The following PCDHGB6 variants were observed in gnomAD, a reference collection of about 807,000 sequenced individuals.
PCDHGB6 encodes protocadherin gamma subfamily B, 6, also known as protocadherin gamma-B6.
In PCDHGB6, 51 loss-of-function variants were observed where a neutral mutation model predicts 59.1. The ratio of observed to expected loss-of-function variants is 0.86; its 90% CI spans 0.69 to 1.09. The LOEUF is 1.09. Ranked by LOEUF, PCDHGB6 falls within the 50% of genes least tolerant of loss-of-function variation. The pLI is 0.00. For missense variants in PCDHGB6, 1,148 were observed against 1,205.1 expected, an observed-to-expected ratio of 0.95 and a Z score of 0.70; for synonymous variants, 466 against 495.1, an observed-to-expected ratio of 0.94 and a Z score of 0.78.
chr5:141,439,632 T>C (rs1335553818), intron 1 of PCDHGB6, among the ~76,000 whole-genome samples: 1 of 152,182 alleles, frequency 6.6e-6, no homozygotes, highest in Non-Finnish European at 1.5e-5. Context: ...TCCCCAGACA[T>C]TCCGGCTTGG....
chr5:141,466,401 T>A (rs2099122186), intron 1 of PCDHGB6, among the ~76,000 whole-genome samples: 1 of 152,210 alleles, frequency 6.6e-6, no homozygotes, highest in Non-Finnish European at 1.5e-5. Flanking sequence ...TTTGCTCAAC[T>A]TTAATTTTTC....
chr5:141,467,535 G>C (rs2099145685), intron 1 of PCDHGB6, among the ~76,000 whole-genome samples: 1 of 152,176 alleles, frequency 6.6e-6, no homozygotes, highest in South Asian at 2.1e-4. Flanking sequence ...GCTGAGATAT[G>C]GATCTGATTA....
intron 1 of PCDHGB6, among the ~76,000 whole-genome samples, chr5:141,449,630 T>C (rs1006977026): frequency 6.7e-6 from 1 of 150,024 alleles, no homozygotes; most frequent in South Asian, 2.1e-4. Flanking sequence ...TTTAAAAAGA[T>C]GTATCTATAT....
chr5:141,456,312 GCTC>G (rs2098849548), intron 1 of PCDHGB6, among the ~76,000 whole-genome samples: 1 of 152,126 alleles, frequency 6.6e-6, no homozygotes, highest in Admixed American at 6.6e-5. Context: ...AGCAGCTAGG[GCTC>G]CTCCTGGGGT....
At position 141,485,677 on chromosome 5, in the gene PCDHGB6, C is replaced by T. The variant is rs757797282; in HGVS notation, c.2419-9130C>T. ...CAGATGTGGGGAGCAATTCGATTAG[C>T]AGCTATAGGCTGAGCTCCAATGAAC... On this transcript the variant is annotated intron_variant, in intron 1 of 3. Transcript: ENST00000520790. This position sits in a 1 kb window ranked among gnomAD's most constrained non-coding sequence, Gnocchi z 5.7. 2.4e-5 allele frequency: 38 copies of T among 1,612,714 alleles called. No individual in the cohort carries two copies. In the East Asian group the frequency reaches 7.8e-4, roughly 33 times the overall value.
chr5:141,423,940 G>A (rs937456850), intron 1 of PCDHGB6: 1 of 1,217,098 alleles, frequency 8.2e-7, no homozygotes, highest in Non-Finnish European at 1.0e-6. Flanking sequence ...TTTGAAGTAA[G>A]TTGAATTTTA....
intron 1 of PCDHGB6, among the ~76,000 whole-genome samples, 197 bp from the exon 2 acceptor site, chr5:141,494,610 T>C (rs1428159953): frequency 6.6e-6 from 1 of 152,152 alleles, no homozygotes; most frequent in Non-Finnish European, 1.5e-5. Flanking sequence ...GATTTATCTC[T>C]TGGTTTCTGG....
rs780788394 is a variant in PCDHGB6 at position 141,491,675 on chromosome 5, C to T, written c.2419-3132C>T. ...GAGCCTGACGCCATCCGGTCCCGCT[C>T]TAATACGCTGCGGGAGCGGAGCCAG... On this transcript the variant is annotated intron_variant, in intron 1 of 3. Transcript: ENST00000520790. The surrounding 1 kb of genome is among the most constrained non-coding windows in gnomAD (Gnocchi z 6.9). 6 of 1,613,450 alleles carry T rather than the reference C, an allele frequency of 3.7e-6. No homozygotes were observed. The African/African-American group carries it at 8.0e-5, about 22-fold the overall frequency.
intron 1 of PCDHGB6, among the ~76,000 whole-genome samples, chr5:141,469,522 C>T (rs1409427974): frequency 2.6e-5 from 4 of 152,088 alleles, no homozygotes; most frequent in African/African-American, 9.7e-5. Flanking sequence ...TTGCAGTGAG[C>T]CAAGATTGTG....
Position 141,408,615 on chromosome 5 carries a change from T to A in PCDHGB6, c.413T>A (p.Ile138Lys). 6.2e-7 allele frequency: 1 copy of A among 1,613,940 alleles called. No homozygotes were observed. The highest frequency in any genetic ancestry group is 8.5e-7 in the Non-Finnish European group (1 of 1,179,886). ...GCCCCTCAATTTGATAAAAAGGAAATACATTTAGAAATTTTCGAATCTGCA... is the reference window on the plus strand; with the variant it reads ...GCCCCTCAATTTGATAAAAAGGAAAAACATTTAGAAATTTTCGAATCTGCA... Reference protein sequence around the residue: ...DHAPQFDKKEIHLEIFESASA... With the variant: ...DHAPQFDKKEKHLEIFESASA... The change falls in exon 1 of 4, where the codon ATA (isoleucine) becomes AAA (lysine). Residue 138 changes from isoleucine to lysine, a missense_variant. Ile to Lys is a moderately radical substitution (Grantham distance 102). Transcript: ENST00000520790.
At chr5:141,479,855 C>T (rs1330076788) in intron 1 of PCDHGB6, among the ~76,000 whole-genome samples, 2 of 152,128 alleles carry the variant, frequency 1.3e-5, no homozygotes, top group Non-Finnish European at 2.9e-5. Context: ...ACTGCAAGGC[C>T]TTTGCCCTGG....
chr5:141,430,433 T>C (rs1371764261), intron 1 of PCDHGB6, among the ~76,000 whole-genome samples: 2 of 151,080 alleles, frequency 1.3e-5, no homozygotes, highest in Admixed American at 6.6e-5. Context: ...ATACGGTAGA[T>C]TTCCATCCCC....
intron 1 of PCDHGB6, chr5:141,475,902 C>A (rs1296545944): frequency 1.7e-6 from 1 of 576,594 alleles, no homozygotes; most frequent in Non-Finnish European, 3.0e-6. Context: ...GTGCCGCTGT[C>A]GGCCAATGAA....
At chr5:141,494,954 G>A in intron 2 of PCDHGB6, 89 bp downstream of exon 2, 2 of 1,601,116 alleles carry the variant, frequency 1.2e-6, no homozygotes. Context: ...CCCAGCATTT[G>A]CTACAGATGG....
At position 141,494,880 on chromosome 5, in the gene PCDHGB6, C is replaced by G. The variant is rs950094823; in HGVS notation, c.2477+15C>G. On this transcript the variant is annotated intron_variant, in intron 2 of 3. Transcript: ENST00000520790. ...GGCACCAGCGGGTAGGTGACTGATT[C>G]TCCAGCCCACCCTCTTCTCTGCGGC... The G allele has an allele frequency of 3.7e-6, 6 of 1,614,040 alleles. No individual in the cohort carries two copies. The African/African-American group carries it at 6.7e-5, about 18-fold the overall frequency.
chr5:141,470,358 A>G (rs1263824284), intron 1 of PCDHGB6, among the ~76,000 whole-genome samples: 2 of 152,174 alleles, frequency 1.3e-5, no homozygotes, highest in African/African-American at 4.8e-5. Context: ...AAATAGACAC[A>G]TTAGGTTGAA....
Position 141,487,904 on chromosome 5 carries a change from G to A in PCDHGB6, c.2419-6903G>A, listed in dbSNP as rs1229814755. On this transcript the variant is annotated intron_variant, in intron 1 of 3. Coordinates refer to ENST00000520790, the MANE Select transcript of PCDHGB6 (RefSeq NM_018926.3). The surrounding 1 kb of genome is among the most constrained non-coding windows in gnomAD (Gnocchi z 5.0). ...TGTGGAAGCATGATGATGGAATGTG[G>A]GAGCACAGGAGGCTACAGTGCACAG... 8.8e-6 allele frequency: 6 copies of A among 685,686 alleles called. No individual in the cohort carries two copies. The highest frequency in any genetic ancestry group is 1.5e-5 in the Non-Finnish European group (6 of 410,118). 42.5% of individuals were successfully genotyped at this position (685,686 alleles called of 1,614,324 possible). A position where few individuals can be genotyped will look rare whatever the true frequency, so the allele number is the denominator to read the frequency against.
At chr5:141,422,782 C>CG in intron 1 of PCDHGB6, 1 of 1,614,090 alleles carries the variant, frequency 6.2e-7, no homozygotes, top group South Asian at 1.1e-5. Context: ...CTATGCCCTA[C>CG]AATCCTTCGA....
intron 1 of PCDHGB6, chr5:141,426,221 A>G (rs1279749881): frequency 6.3e-6 from 1 of 158,300 alleles, no homozygotes; most frequent in Non-Finnish European, 1.4e-5. Context: ...GGAAGTAAAT[A>G]TTTTAAAAGC....
Sources: gnomAD v4.1 joint callset for allele counts (sites outside exome capture counted in the v4.1 genomes callset) on GRCh38, gnomAD v4.1.1 for gene constraint, Gnocchi (gnomAD v3.1) non-coding constraint, MANE v1.5 for transcripts, NCBI Gene and HGNC (gene_info 2026-07-23, HGNC 2026-07-21) for gene names.